The following MTHFD1L variants were observed in gnomAD, a reference collection of about 807,000 sequenced individuals.
MTHFD1L encodes the protein methylenetetrahydrofolate dehydrogenase (NADP+ dependent) 1 like.
In MTHFD1L, 81 loss-of-function variants were observed where a neutral mutation model predicts 119.5. The observed-to-expected ratio is 0.68, with a 90% confidence interval of 0.57 to 0.82. The LOEUF (loss-of-function observed/expected upper bound fraction) is 0.82. MTHFD1L is among the 40% of genes least tolerant of loss of function. MTHFD1L has a pLI of 0.00. For synonymous variants in MTHFD1L, 430 were observed against 475.2 expected (o/e 0.90, Z 1.24); for missense variants, 1,125 against 1,253.4 (o/e 0.90, Z 1.55).
At chr6:150,999,793 A>G (rs1190235181) in intron 20 of MTHFD1L, among the ~76,000 whole-genome samples, 1 of 152,244 alleles carries the variant, frequency 6.6e-6, no homozygotes, top group East Asian at 1.9e-4. Flanking sequence ...CTCTGGAGGA[A>G]GGAAATTCTG....
intron 26 of MTHFD1L, among the ~76,000 whole-genome samples, chr6:151,085,019 A>ATATG (rs1562643982): frequency 1.5e-5 from 2 of 134,690 alleles, no homozygotes; most frequent in African/African-American, 5.3e-5. Flanking sequence ...ATATTTATAT[A>ATATG]TGTATATACA....
intron 1 of MTHFD1L, among the ~76,000 whole-genome samples, chr6:150,869,091 G>A (rs1392216237): frequency 6.6e-6 from 1 of 152,108 alleles, no homozygotes; most frequent in African/African-American, 2.4e-5. Context: ...TTTTAATTAA[G>A]GTATGTACAT....
In MTHFD1L at chr6:151,020,806, C is replaced by T. The variant is rs565309014; in HGVS notation, c.2586+5113C>T. Among the ~76,000 whole-genome samples the T allele has an allele frequency of 1.8e-4, 28 of 152,234 alleles. 1 individual carries two copies. The South Asian group carries it at 2.1e-3, about 11-fold the overall frequency. The stretch of plus-strand genomic sequence containing the variant: ...TGACTTTTGACAATTATATCTTTAT[C>T]GTTCACTAAGAGAATATCTCCATGT... On this transcript the variant is annotated intron_variant, in intron 24 of 27. Transcript: ENST00000367321.
rs191040014 is a variant in MTHFD1L at position 151,037,058 on chromosome 6, C to A, written c.2788C>A (p.Pro930Thr). ...KKGVPRDFIL[P>T]ISDVRASIGA... The stretch of plus-strand genomic sequence containing the variant: ...AGGTGTGCCAAGGGACTTCATCTTA[C>A]CTATCAGTGACGTCCGGGCCAGCAT... The change falls in exon 26 of 28, where the codon CCT (proline) becomes ACT (threonine). Residue 930 changes from proline (P) to threonine (T), a missense_variant. Pro to Thr is a conservative substitution (Grantham distance 38). This residue lies in a region of MTHFD1L where 61 missense variants were observed against 78.9 expected (regional missense o/e 0.77). Transcript: ENST00000367321. 1.3e-4 allele frequency: 206 copies of A among 1,612,004 alleles called. No individual in the cohort carries two copies. In the East Asian group the frequency reaches 2.4e-3, roughly 19 times the overall value.
chr6:150,887,731 A>G (rs1040563767), intron 6 of MTHFD1L, 114 bp from the exon 7 acceptor site: 1 of 1,128,984 alleles, frequency 8.9e-7, no homozygotes, highest in Non-Finnish European at 1.2e-6. Flanking sequence ...TGCTGGAATT[A>G]TAGGCATGAG....
intron 17 of MTHFD1L, chr6:150,959,164 T>C: frequency 2.0e-6 from 2 of 982,808 alleles, no homozygotes; most frequent in Non-Finnish European, 2.4e-6. Context: ...CAGGTAATAT[T>C]TTTTCACTAA....
chr6:150,979,750 C>T (rs9322293), intron 20 of MTHFD1L, among the ~76,000 whole-genome samples: 68,313 of 151,870 alleles, frequency 0.45, 17,644 homozygotes, highest in African/African-American at 0.67. Flanking sequence ...TCCACTCACC[C>T]CTGCCTCCCA....
intron 27 of MTHFD1L, 24 bp downstream of exon 27, chr6:151,092,611 TTC>T (rs1169932040): frequency 7.6e-6 from 11 of 1,454,842 alleles, no homozygotes; most frequent in Middle Eastern, 1.8e-4. Flanking sequence ...CTTCAACTTT[TTC>T]TCTCTTTGTT....
rs141630907 is a variant in MTHFD1L, at chr6:151,014,427, G to C, written c.2308-453G>C. 3.2e-4 allele frequency among the ~76,000 whole-genome samples: 49 copies of C among 152,334 alleles called. 1 individual carries two copies. The East Asian group carries it at 8.7e-3, about 27-fold the overall frequency. On this transcript the variant is annotated intron_variant, in intron 22 of 27. Transcript: ENST00000367321. ...ACTTCTGTATTCTTTTGTCATGGAA[G>C]GTCTATATACAGTTGGCTTTATGAT...
intron 24 of MTHFD1L, among the ~76,000 whole-genome samples, chr6:151,027,565 T>C (rs1001237480): frequency 1.3e-5 from 2 of 151,790 alleles, no homozygotes; most frequent in Admixed American, 1.3e-4. Context: ...ATAAAAGCTA[T>C]CATTTACTAC....
chr6:151,054,395 G>A (rs747628202), intron 26 of MTHFD1L, among the ~76,000 whole-genome samples: 7 of 152,024 alleles, frequency 4.6e-5, no homozygotes, highest in East Asian at 1.9e-4. Flanking sequence ...GAAAAAACAC[G>A]CGTCCATAAA....
chr6:151,039,390 G>A lies in MTHFD1L; in HGVS notation c.2847+2273G>A, dbSNP rs1786691889. ...TTTTGGGATAATGCAAATACCCTATGTTTTGACGTGGTAGTGATTCCATGG... is the reference window on the plus strand; with the variant it reads ...TTTTGGGATAATGCAAATACCCTATATTTTGACGTGGTAGTGATTCCATGG... On this transcript the variant is annotated intron_variant, in intron 26 of 27. Transcript: ENST00000367321. This position sits in a 1 kb window ranked among gnomAD's most constrained non-coding sequence, Gnocchi z 4.4. Among the ~76,000 whole-genome samples, 1 of 152,082 alleles carries A rather than the reference G, an allele frequency of 6.6e-6. No individual in the cohort carries two copies. Among genetic ancestry groups the A allele is most frequent in the Non-Finnish European group, 1.5e-5 (1 of 68,010 alleles).
intron 16 of MTHFD1L, among the ~76,000 whole-genome samples, chr6:150,953,416 A>G (rs1040763727): frequency 5.9e-5 from 9 of 152,188 alleles, no homozygotes; most frequent in African/African-American, 1.9e-4. Context: ...CATGCCTTAC[A>G]TAAGAGGCTG....
chr6:151,057,924 G>A (rs192225723), intron 26 of MTHFD1L, among the ~76,000 whole-genome samples: 17 of 152,202 alleles, frequency 1.1e-4, no homozygotes, highest in East Asian at 5.8e-4. Context: ...GATTACAGGC[G>A]CGTGCCACCA....
chr6:150,890,741 G>A (rs148169020), intron 7 of MTHFD1L, among the ~76,000 whole-genome samples: 234 of 152,226 alleles, frequency 1.5e-3, no homozygotes, highest in African/African-American at 5.5e-3. Context: ...AAAAGCTCTA[G>A]AACAGTAAGG....
chr6:150,927,856 C>T (rs1790310677), intron 11 of MTHFD1L, among the ~76,000 whole-genome samples: 1 of 152,026 alleles, frequency 6.6e-6, no homozygotes, highest in East Asian at 1.9e-4. Context: ...TCTTCTGGCA[C>T]CTCTAGTTCC....
Position 151,016,964 on chromosome 6 carries a change from G to A in MTHFD1L, c.2586+1271G>A, listed in dbSNP as rs546689146. 1.7e-4 allele frequency among the ~76,000 whole-genome samples: 26 copies of A among 151,306 alleles called. No homozygotes were observed. In the East Asian group the frequency reaches 4.2e-3, roughly 24 times the overall value. Reference sequence around the variant, plus strand: ...ATTTCTTTTTTATTTTAGTAGAGTCGGGGTTTCACCGTGTTGCCCGGGCTG... The same window carrying A: ...ATTTCTTTTTTATTTTAGTAGAGTCAGGGTTTCACCGTGTTGCCCGGGCTG... On this transcript the variant is annotated intron_variant, in intron 24 of 27. Transcript: ENST00000367321.
rs942818423 is a variant in MTHFD1L at position 151,034,550 on chromosome 6, A to T, written c.2644A>T (p.Ile882Phe). ...TCAGGCTGTCTATGGAGCCAAAGATATTGAACTCTCTCCTGAGGCACAAGC... is the reference window on the plus strand; with the variant it reads ...TCAGGCTGTCTATGGAGCCAAAGATTTTGAACTCTCTCCTGAGGCACAAGC... Reference protein sequence around the residue: ...IAQAVYGAKDIELSPEAQAKI... With the variant: ...IAQAVYGAKDFELSPEAQAKI... Residue 882 changes from isoleucine to phenylalanine, a missense_variant, in exon 25 of 28, where the codon ATT (isoleucine) becomes TTT (phenylalanine). Physicochemically the swap from Ile to Phe is conservative, Grantham distance 21. Around this residue, in one of 3 missense-constraint regions of MTHFD1L, gnomAD observed 1,058 missense variants for 1,151.2 expected, o/e 0.92. Transcript: ENST00000367321. 6.2e-7 allele frequency: 1 copy of T among 1,611,882 alleles called. No homozygotes were observed. Among genetic ancestry groups the T allele is most frequent in the Non-Finnish European group, 8.5e-7 (1 of 1,179,846 alleles).
At chr6:151,091,989 T>C (rs1794488551) in intron 26 of MTHFD1L, among the ~76,000 whole-genome samples, 1 of 152,146 alleles carries the variant, frequency 6.6e-6, no homozygotes, top group East Asian at 1.9e-4. Flanking sequence ...GTTACTGTTA[T>C]TGAGGGAGAC....
Sources: allele counts gnomAD v4.1 joint callset (sites outside exome capture counted in the v4.1 genomes callset), GRCh38; gene constraint gnomAD v4.1.1; regional missense constraint gnomAD v4.1.1; non-coding constraint Gnocchi (gnomAD v3.1); transcripts MANE v1.5; gene names NCBI Gene and HGNC (gene_info 2026-07-23, HGNC 2026-07-21).